DLGAP3: variants seen among roughly 807,000 people sequenced by gnomAD.
DLGAP3 encodes the protein disks large-associated protein 3.
DLGAP3 carries 17 observed loss-of-function variants against 81.2 expected under a neutral mutation model. The observed-to-expected ratio is 0.21, with a 90% confidence interval of 0.14 to 0.31. DLGAP3 has a LOEUF of 0.31. Among genes scored for constraint, DLGAP3 ranks in the 10% least tolerant of loss-of-function variants. The probability of loss-of-function intolerance (pLI) is 1.00; values close to 1 mark genes in which losing one functional copy is unlikely to be tolerated. For missense variants in DLGAP3, 1,124 were observed against 1,388.0 expected (o/e 0.81, Z 3.02); for synonymous variants, 577 against 587.4 (o/e 0.98, Z 0.26).
chr1:34,906,034 T>TATATATATATATATATATA (rs1557492434), intron 2 of DLGAP3, among the ~76,000 whole-genome samples: 1 of 39,132 alleles, frequency 2.6e-5, no homozygotes, highest in African/African-American at 7.4e-5. Flanking sequence ...ATATATATAT[T>TATATATATATATATATATA]TGTTTGTTTT....
At chr1:34,918,387 G>A (rs1293982481) in intron 1 of DLGAP3, among the ~76,000 whole-genome samples, 1 of 152,206 alleles carries the variant, frequency 6.6e-6, no homozygotes. Flanking sequence ...TCAATGCGGA[G>A]CTGATGTGGT....
chr1:34,889,465 C>T (rs1425433579), intron 5 of DLGAP3, among the ~76,000 whole-genome samples: 2 of 152,214 alleles, frequency 1.3e-5, no homozygotes, highest in African/African-American at 4.8e-5. Context: ...CACCCTGCTT[C>T]CCCCAACATC....
At chr1:34,878,973 G>T (rs1415701831) in intron 8 of DLGAP3, among the ~76,000 whole-genome samples, 1 of 151,882 alleles carries the variant, frequency 6.6e-6, no homozygotes, top group Non-Finnish European at 1.5e-5. Flanking sequence ...TTGGGAGGCT[G>T]AGGCAGGAGA....
At chr1:34,928,735 A>G (rs927185818) in intron 1 of DLGAP3, among the ~76,000 whole-genome samples, 2 of 150,388 alleles carry the variant, frequency 1.3e-5, no homozygotes, top group East Asian at 1.9e-4. Context: ...GCACACGCAC[A>G]CACACACACA....
intron 1 of DLGAP3, among the ~76,000 whole-genome samples, chr1:34,918,411 T>C (rs941958284): frequency 6.6e-6 from 1 of 152,182 alleles, no homozygotes; most frequent in African/African-American, 2.4e-5. Context: ...AGCCAGGCCT[T>C]GGCCCACCCC....
At chr1:34,923,967 T>C (rs963531075) in intron 1 of DLGAP3, among the ~76,000 whole-genome samples, 1 of 152,118 alleles carries the variant, frequency 6.6e-6, no homozygotes, top group Admixed American at 6.5e-5. Flanking sequence ...GAGGATCCCA[T>C]TTGAATATTT....
chr1:34,908,699 A>C (rs995806726), intron 1 of DLGAP3, among the ~76,000 whole-genome samples: 6 of 152,204 alleles, frequency 3.9e-5, no homozygotes, highest in Non-Finnish European at 5.9e-5. Flanking sequence ...GAAGGATGTG[A>C]GACAATGAAG....
At position 34,924,655 on chromosome 1, in the gene DLGAP3, C is replaced by A. The variant is rs181881886; in HGVS notation, c.-135+4796G>T. Among the ~76,000 whole-genome samples the A allele has an allele frequency of 5.9e-5, 9 of 152,234 alleles. No individual in the cohort carries two copies. The East Asian group carries it at 1.5e-3, about 26-fold the overall frequency. ...AAAGGCTGGTATCAATATCTCTGAG[C>A]TTGTTGCGCTAAAAAAAAGTTCCCA... On this transcript the variant is annotated intron_variant, in intron 1 of 11. Coordinates refer to ENST00000373347, the MANE Select transcript of DLGAP3 (RefSeq NM_001080418.3).
At chr1:34,909,593 C>A (rs1639610368) in intron 1 of DLGAP3, among the ~76,000 whole-genome samples, 1 of 152,184 alleles carries the variant, frequency 6.6e-6, no homozygotes, top group African/African-American at 2.4e-5. Context: ...AAATAGTAAA[C>A]AATATAATCA....
chr1:34,916,676 ATTTTATTTTATT>A (rs1327674801), intron 1 of DLGAP3, among the ~76,000 whole-genome samples: 22 of 146,596 alleles, frequency 1.5e-4, no homozygotes, highest in Non-Finnish European at 3.0e-4. Context: ...ATTTTATTTT[ATTTTATTTTATT>A]TTATTTTATT....
chr1:34,916,510 AT>A (rs1187249777), intron 1 of DLGAP3, among the ~76,000 whole-genome samples: 5 of 152,148 alleles, frequency 3.3e-5, no homozygotes, highest in Admixed American at 6.5e-5. Flanking sequence ...TATTACTCCC[AT>A]TTTACAGGTG....
Position 34,904,822 on chromosome 1 carries a change from C to T in DLGAP3, c.562G>A (p.Glu188Lys). Residue 188 changes from glutamate (E) to lysine (K), a missense_variant, in exon 3 of 12, where the codon GAG (glutamate) becomes AAG (lysine). Glu to Lys is a moderately conservative substitution (Grantham distance 56). Coordinates refer to ENST00000373347, the MANE Select transcript of DLGAP3 (RefSeq NM_001080418.3). The surrounding 1 kb of genome is among the most constrained non-coding windows in gnomAD (Gnocchi z 8.1). ...QKLFAKSHSLEAPGKRDYNGP... is the reference protein window; with the variant it reads ...QKLFAKSHSLKAPGKRDYNGP... ...TTATAGTCCCGCTTCCCCGGCGCCT[C>T]CAGAGAGTGGGACTTGGCAAAGAGC... The T allele has an allele frequency of 6.2e-7, 1 of 1,610,314 alleles. No homozygotes were observed. The highest frequency in any genetic ancestry group is 8.5e-7 in the Non-Finnish European group (1 of 1,180,012).
chr1:34,911,850 G>A (rs1557497470), intron 1 of DLGAP3, among the ~76,000 whole-genome samples: 1 of 152,340 alleles, frequency 6.6e-6, no homozygotes, highest in South Asian at 2.1e-4. Flanking sequence ...GAAAATGGGA[G>A]AAGGAGTCAG....
rs1219296456 is a variant in DLGAP3, at chr1:34,865,724, G to C, written c.*359C>G. On this transcript the variant is annotated 3_prime_UTR_variant, in exon 12 of 12. Coordinates refer to ENST00000373347, the MANE Select transcript of DLGAP3 (RefSeq NM_001080418.3). ...ACGAAGCCCAGCCCCGCGGGGTGGG[G>C]GAGGGGGGGACGCAGAGCCCAGATG... 3.0e-6 allele frequency: 1 copy of C among 337,018 alleles called. No homozygotes were observed. Among genetic ancestry groups the C allele is most frequent in the African/African-American group, 2.3e-5 (1 of 43,276 alleles). The allele number at this position is 337,018 out of a possible 1,614,324, so 20.9% of individuals were successfully genotyped here.
chr1:34,911,853 G>A (rs1026604434), intron 1 of DLGAP3, among the ~76,000 whole-genome samples: 1 of 152,230 alleles, frequency 6.6e-6, no homozygotes, highest in Non-Finnish European at 1.5e-5. Flanking sequence ...AATGGGAGAA[G>A]GAGTCAGAGT....
chr1:34,882,725 A>C (rs1158466533), intron 8 of DLGAP3, among the ~76,000 whole-genome samples: 1 of 132,262 alleles, frequency 7.6e-6, no homozygotes, highest in African/African-American at 2.7e-5. Flanking sequence ...CATAAGTTAG[A>C]TCATGTTGCA....
At chr1:34,872,226 G>A (rs1485756729) in intron 8 of DLGAP3, among the ~76,000 whole-genome samples, 4 of 152,184 alleles carry the variant, frequency 2.6e-5, no homozygotes, top group African/African-American at 9.7e-5. Flanking sequence ...GGAATGGGCA[G>A]CTAACATGGA....
chr1:34,901,981 C>T (rs1265602822), intron 3 of DLGAP3, among the ~76,000 whole-genome samples: 1 of 152,100 alleles, frequency 6.6e-6, no homozygotes, highest in Non-Finnish European at 1.5e-5. Context: ...TGGGATCAAG[C>T]CCTGGAAGAA....
chr1:34,897,693 G>C (rs551259901), intron 5 of DLGAP3, among the ~76,000 whole-genome samples: 1 of 152,228 alleles, frequency 6.6e-6, no homozygotes, highest in African/African-American at 2.4e-5. Flanking sequence ...TGTAATGAGA[G>C]AGGATGAAGT....
Sources: allele counts gnomAD v4.1 joint callset (sites outside exome capture counted in the v4.1 genomes callset), GRCh38; gene constraint gnomAD v4.1.1; non-coding constraint Gnocchi (gnomAD v3.1); transcripts MANE v1.5; gene names NCBI Gene and HGNC (gene_info 2026-07-23, HGNC 2026-07-21).